Variants in TOX2 observed in about 807,000 individuals in gnomAD.
The protein encoded by TOX2 is granulosa cell HMG box 1.
A neutral mutation model predicts 47.4 loss-of-function variants in TOX2; 15 were observed. The ratio of observed to expected loss-of-function variants is 0.32; its 90% CI spans 0.21 to 0.49. The LOEUF (loss-of-function observed/expected upper bound fraction) is 0.49, where lower values mean the gene tolerates loss of function less well. Among genes scored for constraint, TOX2 ranks in the 20% least tolerant of loss-of-function variants. The probability of loss-of-function intolerance (pLI) is 0.99; values close to 1 mark genes in which losing one functional copy is unlikely to be tolerated. For missense variants in TOX2, 622 were observed against 673.1 expected, an observed-to-expected ratio of 0.92 and a Z score of 0.84; for synonymous variants, 290 against 296.6, an observed-to-expected ratio of 0.98 and a Z score of 0.23.
chr20:43,952,379 C>A (rs78243008), intron 1 of TOX2, among the ~76,000 whole-genome samples: 1,829 of 152,188 alleles, frequency 0.012, 42 homozygotes, highest in African/African-American at 0.042. Context: ...GCCGTAACAA[C>A]CCCCTGAATC....
chr20:44,005,567 AAAG>A (rs1362814751), intron 2 of TOX2, among the ~76,000 whole-genome samples: 3 of 152,244 alleles, frequency 2.0e-5, no homozygotes, highest in African/African-American at 7.2e-5. Flanking sequence ...CAATCTATAG[AAAG>A]AATAATATGT....
At chr20:44,038,831 C>G (rs2071282661) in intron 3 of TOX2, among the ~76,000 whole-genome samples, 1 of 152,144 alleles carries the variant, frequency 6.6e-6, no homozygotes, top group Non-Finnish European at 1.5e-5. Context: ...GGGCTGCTCT[C>G]CATAGAGACT....
At chr20:44,029,929 C>T (rs2145683172) in intron 3 of TOX2, among the ~76,000 whole-genome samples, 1 of 152,300 alleles carries the variant, frequency 6.6e-6, no homozygotes, top group South Asian at 2.1e-4. Flanking sequence ...CTTTATCATC[C>T]TTGACTTTGA....
rs147453104 is a variant in TOX2, at chr20:43,981,389, T to C, written c.165+7957T>C. On this transcript the variant is annotated intron_variant, in intron 2 of 8. Coordinates refer to ENST00000341197, the MANE Select transcript of TOX2 (RefSeq NM_001098797.2). ...CTAAAAAAGATGTAAAACAGTACAGTATGCTACCATTTATACAAAAAGGTG... is the reference window on the plus strand; with the variant it reads ...CTAAAAAAGATGTAAAACAGTACAGCATGCTACCATTTATACAAAAAGGTG... Among the ~76,000 whole-genome samples the C allele has an allele frequency of 5.6e-4, 85 of 152,360 alleles. No individual in the cohort carries two copies. The East Asian group carries it at 0.013, about 23-fold the overall frequency.
chr20:44,052,843 G>T (rs1314620564), intron 4 of TOX2, among the ~76,000 whole-genome samples: 1 of 152,160 alleles, frequency 6.6e-6, no homozygotes, highest in Non-Finnish European at 1.5e-5. Flanking sequence ...TCAACCCCCT[G>T]CCCTGCTGTG....
intron 3 of TOX2, among the ~76,000 whole-genome samples, chr20:44,013,972 A>G (rs1179039052): frequency 6.6e-6 from 1 of 151,990 alleles, no homozygotes; most frequent in Non-Finnish European, 1.5e-5. Flanking sequence ...TCTACTAAAA[A>G]TACAAAAATT....
At chr20:43,940,947 C>A (rs564842612) in intron 1 of TOX2, among the ~76,000 whole-genome samples, 1 of 152,200 alleles carries the variant, frequency 6.6e-6, no homozygotes, top group Admixed American at 6.5e-5. Flanking sequence ...GACTTCATTA[C>A]CAGCTTACCT....
intron 1 of TOX2, among the ~76,000 whole-genome samples, chr20:43,924,438 G>T (rs1032805680): frequency 7.2e-6 from 1 of 139,338 alleles, no homozygotes; most frequent in Non-Finnish European, 1.5e-5. Context: ...ATATCTTCCT[G>T]TGTGTTAGGG....
At chr20:44,037,867 C>T (rs563539592) in intron 3 of TOX2, among the ~76,000 whole-genome samples, 20 of 152,064 alleles carry the variant, frequency 1.3e-4, no homozygotes, top group Non-Finnish European at 2.5e-4. Context: ...AATGTGGAAT[C>T]AACTTTGGAA....
intron 1 of TOX2, among the ~76,000 whole-genome samples, chr20:43,920,556 C>T (rs1296861030): frequency 6.6e-6 from 1 of 152,134 alleles, no homozygotes; most frequent in Non-Finnish European, 1.5e-5. Context: ...CATTTACTTT[C>T]CATCTAAACA....
intron 2 of TOX2, among the ~76,000 whole-genome samples, chr20:43,984,503 G>A (rs981710919): frequency 6.6e-6 from 1 of 152,142 alleles, no homozygotes; most frequent in Non-Finnish European, 1.5e-5. Flanking sequence ...CTGCCGAGGA[G>A]GAGTGAGTAC....
chr20:43,938,884 G>T (rs2069364512), intron 1 of TOX2, among the ~76,000 whole-genome samples: 1 of 152,306 alleles, frequency 6.6e-6, no homozygotes, highest in Non-Finnish European at 1.5e-5. Flanking sequence ...AGCTTTGAAG[G>T]CCAGGGGGTT....
chr20:43,935,914 T>G (rs1600661520), intron 1 of TOX2, among the ~76,000 whole-genome samples: 3 of 91,000 alleles, frequency 3.3e-5, no homozygotes, highest in South Asian at 3.3e-4. Context: ...GCAACAAGAG[T>G]GAAACTCCAT....
chr20:43,936,716 C>T (rs772830134), intron 1 of TOX2, among the ~76,000 whole-genome samples: 21 of 152,234 alleles, frequency 1.4e-4, no homozygotes, highest in Non-Finnish European at 2.8e-4. Flanking sequence ...ACCCCAGTGT[C>T]CTGGTGCTTT....
At chr20:44,033,583 C>T (rs1210460682) in intron 3 of TOX2, among the ~76,000 whole-genome samples, 1 of 151,360 alleles carries the variant, frequency 6.6e-6, no homozygotes, top group Non-Finnish European at 1.5e-5. Context: ...TGGGAGGGCC[C>T]AACAGACAGA....
intron 1 of TOX2, among the ~76,000 whole-genome samples, chr20:43,958,646 G>A (rs2069706377): frequency 6.6e-6 from 1 of 152,250 alleles, no homozygotes; most frequent in Non-Finnish European, 1.5e-5. Context: ...CAGGTACATT[G>A]TAGGTGCTGA....
In TOX2 at chr20:44,064,830, A is replaced by G. The variant is rs974047996; in HGVS notation, c.933A>G (p.Ala311=). Reference sequence around the variant, plus strand: ...AGAAGGAATATCTGAAGGCCCTGGCAGCCTACCGGGCTAGCCTCGTCTCCA... The same window carrying G: ...AGAAGGAATATCTGAAGGCCCTGGCGGCCTACCGGGCTAGCCTCGTCTCCA... ...AAKKEYLKAL[A]AYRASLVSKS... Residue 311 remains alanine (A), a synonymous_variant, in exon 6 of 9, where the codon GCA becomes GCG. Transcript: ENST00000341197. 1.9e-6 allele frequency: 3 copies of G among 1,614,036 alleles called. No individual in the cohort carries two copies. The highest frequency in any genetic ancestry group is 2.5e-6 in the Non-Finnish European group (3 of 1,180,004).
intron 2 of TOX2, among the ~76,000 whole-genome samples, chr20:44,003,719 G>A (rs933192106): frequency 6.6e-6 from 1 of 152,200 alleles, no homozygotes; most frequent in Non-Finnish European, 1.5e-5. Context: ...GTGGAGAGAT[G>A]AGTAGGAACT....
rs144254987 is a variant in TOX2, at chr20:43,998,499, A to T, written c.166-8048A>T. ...CTCAATCCTCACTCATTTCTATCTGACTGATTTGCCCATTTTATTTATGGT... is the reference window on the plus strand; with the variant it reads ...CTCAATCCTCACTCATTTCTATCTGTCTGATTTGCCCATTTTATTTATGGT... On this transcript the variant is annotated intron_variant, in intron 2 of 8. Transcript: ENST00000341197. 4.0e-3 allele frequency among the ~76,000 whole-genome samples: 614 copies of T among 152,196 alleles called. 4 individuals are homozygous for T. Among genetic ancestry groups the T allele is most frequent in the African/African-American group, 0.014 (590 of 41,518 alleles).
Sources: gnomAD v4.1 joint callset for allele counts (sites outside exome capture counted in the v4.1 genomes callset) on GRCh38, gnomAD v4.1.1 for gene constraint, MANE v1.5 for transcripts, NCBI Gene and HGNC (gene_info 2026-07-23, HGNC 2026-07-21) for gene names.